Variants in RSPH10B observed in about 807,000 individuals in gnomAD.
RSPH10B encodes radial spoke head 10 homolog B (Chlamydomonas).
In RSPH10B, 7 loss-of-function variants were observed where a neutral mutation model predicts 52.5. That is an observed-to-expected ratio of 0.13 (90% CI 0.08 to 0.25). The LOEUF (loss-of-function observed/expected upper bound fraction) is 0.25. Among genes scored for constraint, RSPH10B ranks in the 10% least tolerant of loss-of-function variants. RSPH10B has a pLI of 1.00. For synonymous variants in RSPH10B, 28 were observed against 193.2 expected (o/e 0.14, Z 7.09); for missense variants, 89 against 542.5 (o/e 0.16, Z 8.30).
chr7:5,940,175 T>C (rs1442428590), intron 13 of RSPH10B, among the ~76,000 whole-genome samples: 1 of 87,176 alleles, frequency 1.1e-5, no homozygotes, highest in Non-Finnish European at 2.7e-5. Flanking sequence ...CCAGCCTGGG[T>C]GACAGAGCAA....
chr7:5,928,717 C>CG (rs1420591859), intron 17 of RSPH10B, among the ~76,000 whole-genome samples: 2 of 149,742 alleles, frequency 1.3e-5, no homozygotes, highest in African/African-American at 2.5e-5. Flanking sequence ...CTGCAACCTC[C>CG]ACCTCCTGGG....
At position 5,957,576 on chromosome 7, in the gene RSPH10B, C is replaced by T. The variant is rs1311746775; in HGVS notation, c.780+331G>A. ...TGAGGCGCGCGGATCACTTGAGGTC[C>T]GGAGTTCGAAACCAACCTGGCCAAC... On this transcript the variant is annotated intron_variant, in intron 6 of 18. Coordinates refer to ENST00000337579, the Ensembl canonical transcript of RSPH10B. Among the ~76,000 whole-genome samples the T allele has an allele frequency of 1.7e-4, 7 of 41,778 alleles. No homozygotes were observed. In the South Asian group the frequency reaches 3.1e-3, roughly 18 times the overall value. 27.4% of individuals were successfully genotyped at this position (41,778 alleles called of 152,430 possible). A position where few individuals can be genotyped will look rare whatever the true frequency, so the allele number is the denominator to read the frequency against.
intron 18 of RSPH10B, among the ~76,000 whole-genome samples, chr7:5,927,072 G>A (rs71524064): frequency 0.1 from 6,242 of 60,712 alleles, 64 homozygotes; most frequent in East Asian, 0.25. Flanking sequence ...GTGTGTATAT[G>A]TGTGTGTGTG....
intron 17 of RSPH10B, among the ~76,000 whole-genome samples, chr7:5,928,841 G>A (rs796106537): frequency 6.7e-6 from 1 of 149,346 alleles, no homozygotes; most frequent in Non-Finnish European, 1.5e-5. Flanking sequence ...GGCCAGGCTG[G>A]TCTCGAACTC....
chr7:5,941,803 A>T (rs1333545588), intron 13 of RSPH10B, among the ~76,000 whole-genome samples: 1 of 143,218 alleles, frequency 7.0e-6, no homozygotes, highest in African/African-American at 2.5e-5. Context: ...CATTGTATAA[A>T]TGTTGTCACT....
chr7:5,931,458 GCTCACAC>G (rs1375699951), intron 17 of RSPH10B, among the ~76,000 whole-genome samples: 1 of 151,530 alleles, frequency 6.6e-6, no homozygotes, highest in Non-Finnish European at 1.5e-5. Flanking sequence ...AGGCGCGGTG[GCTCACAC>G]CTGTAATCCC....
At chr7:5,942,830 C>G (rs1346822275) in intron 13 of RSPH10B, among the ~76,000 whole-genome samples, 1 of 149,600 alleles carries the variant, frequency 6.7e-6, no homozygotes, top group Non-Finnish European at 1.5e-5. Context: ...TCATTGCACT[C>G]CAGCCTGAGT....
Position 5,942,211 on chromosome 7 carries a change from C to T in RSPH10B, c.1758+1113G>A, listed in dbSNP as rs1318449636. 1.4e-5 allele frequency among the ~76,000 whole-genome samples: 2 copies of T among 143,632 alleles called. 1 individual carries two copies. The allele number at this position is 143,632 out of a possible 152,430, so 94.2% of individuals were successfully genotyped here. A position where few individuals can be genotyped will look rare whatever the true frequency, so the allele number is the denominator to read the frequency against. ...ACTTTATTGCTATTCTAGGATCAGG[C>T]AACACTTCAGTCCATCAAAAAGACT... On this transcript the variant is annotated intron_variant, in intron 13 of 18. Transcript: ENST00000337579.
chr7:5,931,518 G>A (rs1234738239), intron 17 of RSPH10B, among the ~76,000 whole-genome samples: 3 of 151,412 alleles, frequency 2.0e-5, no homozygotes, highest in South Asian at 4.1e-4. Flanking sequence ...TTGGGCCCGG[G>A]AGTTCAAGAC....
chr7:5,961,477 T>C (rs976614399), intron 3 of RSPH10B, among the ~76,000 whole-genome samples: 7 of 95,652 alleles, frequency 7.3e-5, no homozygotes, highest in African/African-American at 2.7e-4. Flanking sequence ...GTAGCTGGGA[T>C]TACAGGCACC....
chr7:5,944,871 A>T (rs1189993983), intron 11 of RSPH10B, among the ~76,000 whole-genome samples, 193 bp downstream of exon 13: 1 of 146,842 alleles, frequency 6.8e-6, no homozygotes, highest in Non-Finnish European at 1.5e-5. Context: ...CCTGAGGCAG[A>T]AGAATTGCTT....
chr7:5,943,008 C>T (rs1185057118), intron 13 of RSPH10B, among the ~76,000 whole-genome samples: 4 of 147,326 alleles, frequency 2.7e-5, no homozygotes, highest in Admixed American at 6.9e-5. Flanking sequence ...TCAGGTGATC[C>T]GCCCACCTCG....
intron 6 of RSPH10B, 130 bp downstream of exon 8, chr7:5,957,777 C>G: frequency 3.2e-6 from 4 of 1,254,386 alleles, no homozygotes; most frequent in Non-Finnish European, 4.2e-6. Context: ...GCCTGGGAGA[C>G]AGACAGAGAG....
intron 17 of RSPH10B, among the ~76,000 whole-genome samples, chr7:5,931,427 C>T (rs6964095): frequency 2.0e-5 from 3 of 151,258 alleles, no homozygotes; most frequent in South Asian, 2.1e-4. Flanking sequence ...AGAGAGACAC[C>T]GTCAGAAAAG....
exon 18 of RSPH10B, chr7:5,928,382 C>G (rs1442823961): frequency 2.5e-6 from 4 of 1,612,442 alleles, no homozygotes; most frequent in Non-Finnish European, 3.4e-6. Flanking sequence ...ATCCTTGGGT[C>G]TCTCATATTT....
At chr7:5,942,632 C>T (rs747606357) in intron 13 of RSPH10B, among the ~76,000 whole-genome samples, 1 of 145,290 alleles carries the variant, frequency 6.9e-6, no homozygotes, top group Non-Finnish European at 1.5e-5. Flanking sequence ...GAGGCTGAGG[C>T]GGGTGGATCA....
chr7:5,944,422 G>T (rs1350319598), intron 11 of RSPH10B, among the ~76,000 whole-genome samples: 2 of 150,422 alleles, frequency 1.3e-5, no homozygotes, highest in African/African-American at 4.9e-5. Context: ...ATAAATAAAA[G>T]TTTTTTTAAA....
intron 11 of RSPH10B, among the ~76,000 whole-genome samples, chr7:5,944,438 A>T (rs1367252464): frequency 6.6e-6 from 1 of 150,422 alleles, no homozygotes; most frequent in Non-Finnish European, 1.5e-5. Context: ...TTAAAAAAAG[A>T]TATAAAACCA....
intron 3 of RSPH10B, chr7:5,963,383 TC>T (rs1780978333): frequency 6.9e-6 from 1 of 144,086 alleles, no homozygotes; most frequent in Non-Finnish European, 1.5e-5. Context: ...TCCCTCCCTC[TC>T]CCCGCTCCTC....
Sources: allele counts gnomAD v4.1 joint callset (sites outside exome capture counted in the v4.1 genomes callset), GRCh38; gene constraint gnomAD v4.1.1; transcripts MANE v1.5; gene names NCBI Gene and HGNC (gene_info 2026-07-23, HGNC 2026-07-21).